KYNU: variants seen among roughly 807,000 people sequenced by gnomAD.
KYNU encodes the protein kynureninase.
A neutral mutation model predicts 59.2 loss-of-function variants in KYNU; 54 were observed. That is an observed-to-expected ratio of 0.91 (90% confidence interval 0.73 to 1.14). The LOEUF (loss-of-function observed/expected upper bound fraction) is 1.14. KYNU is among the 50% of genes most tolerant of loss of function. The pLI is 0.00. For synonymous variants in KYNU, 177 were observed against 192.0 expected, an observed-to-expected ratio of 0.92 and a Z score of 0.65; for missense variants, 567 against 554.4, an observed-to-expected ratio of 1.02 and a Z score of -0.23.
intron 2 of KYNU, among the ~76,000 whole-genome samples, chr2:142,911,598 A>G (rs1230088005): frequency 6.6e-6 from 1 of 152,012 alleles, no homozygotes; most frequent in Non-Finnish European, 1.5e-5. Context: ...ATTGAGTAGG[A>G]GTGGGAGATA....
chr2:142,917,564 A>G (rs1172479335), intron 2 of KYNU, among the ~76,000 whole-genome samples: 1 of 152,216 alleles, frequency 6.6e-6, no homozygotes, highest in East Asian at 1.9e-4. Context: ...TGCCTCCAAA[A>G]GTGCCGGGAT....
chr2:142,953,226 A>G (rs1313859952), intron 4 of KYNU, among the ~76,000 whole-genome samples: 1 of 152,200 alleles, frequency 6.6e-6, no homozygotes, highest in Non-Finnish European at 1.5e-5. Flanking sequence ...ATCCCCCCGT[A>G]CCATTACCCA....
At chr2:142,959,841 T>G (rs1190767742) in intron 7 of KYNU, among the ~76,000 whole-genome samples, 1 of 152,186 alleles carries the variant, frequency 6.6e-6, no homozygotes, top group Non-Finnish European at 1.5e-5. Context: ...TGGAGGAGAT[T>G]TTAATCTTAA....
chr2:142,912,959 AC>A (rs774848274), intron 2 of KYNU, among the ~76,000 whole-genome samples: 2 of 145,386 alleles, frequency 1.4e-5, no homozygotes, highest in Non-Finnish European at 3.0e-5. Context: ...TGATCCATCC[AC>A]CTCAGCTCCC....
chr2:142,998,055 A>T (rs1685596141), intron 10 of KYNU, among the ~76,000 whole-genome samples: 1 of 152,190 alleles, frequency 6.6e-6, no homozygotes, highest in African/African-American at 2.4e-5. Context: ...AACACACAGC[A>T]TATTAATATG....
intron 10 of KYNU, among the ~76,000 whole-genome samples, chr2:142,995,476 TA>T (rs1410455166): frequency 2.0e-4 from 30 of 152,130 alleles, no homozygotes; most frequent in African/African-American, 7.2e-4. Flanking sequence ...AACTACTTTC[TA>T]AAATAGCATT....
chr2:142,980,488 T>C (rs1278606493), intron 8 of KYNU, among the ~76,000 whole-genome samples: 2 of 152,156 alleles, frequency 1.3e-5, no homozygotes, highest in Non-Finnish European at 2.9e-5. Flanking sequence ...GGAGTTGCTC[T>C]GATTCAAACA....
At chr2:142,893,503 C>A (rs1681775453) in intron 2 of KYNU, among the ~76,000 whole-genome samples, 1 of 152,142 alleles carries the variant, frequency 6.6e-6, no homozygotes, top group African/African-American at 2.4e-5. Flanking sequence ...TTCTAGATGT[C>A]ATTGAAGGAG....
chr2:142,966,685 T>G (rs973454360), intron 8 of KYNU, among the ~76,000 whole-genome samples: 1 of 152,132 alleles, frequency 6.6e-6, no homozygotes, highest in Admixed American at 6.6e-5. Flanking sequence ...TTTTAATTCA[T>G]TTACTAATGT....
At chr2:143,019,291 TTATTGGGGTGTATTTCTTC>T (rs1309581618) in intron 10 of KYNU, among the ~76,000 whole-genome samples, 5 of 152,024 alleles carry the variant, frequency 3.3e-5, no homozygotes, top group Non-Finnish European at 7.4e-5. Context: ...GGCCTTTATG[TTATTGGGGTGTATTTCTTC>T]TATAACCAAT....
chr2:142,933,819 C>T (rs1683301518), intron 4 of KYNU, among the ~76,000 whole-genome samples: 1 of 152,046 alleles, frequency 6.6e-6, no homozygotes, highest in African/African-American at 2.4e-5. Context: ...TGGGGGCTGT[C>T]TCTGAAACCT....
chr2:142,960,564 A>G lies in KYNU; in HGVS notation c.583-60A>G, dbSNP rs1684307707. On this transcript the variant is annotated intron_variant, in intron 7 of 13. Transcript: ENST00000264170. ...GCTCACGGTGAAATTTAGATCGGCA[A>G]TATGAAATTACAAATTTATTATTAT... 4 of 1,498,728 alleles carry G rather than the reference A, an allele frequency of 2.7e-6. No homozygotes were observed. In the East Asian group the frequency reaches 6.8e-5, roughly 26 times the overall value. The allele number at this position is 1,498,728 out of a possible 1,614,324, so 92.8% of individuals were successfully genotyped here.
At chr2:143,029,236 A>G (rs183257686) in intron 10 of KYNU, among the ~76,000 whole-genome samples, 23 of 152,284 alleles carry the variant, frequency 1.5e-4, no homozygotes, top group African/African-American at 5.3e-4. Flanking sequence ...TATATTACAA[A>G]TGGCTTTATA....
At chr2:142,995,587 G>A (rs1685516459) in intron 10 of KYNU, among the ~76,000 whole-genome samples, 2 of 152,194 alleles carry the variant, frequency 1.3e-5, no homozygotes, top group East Asian at 1.9e-4. Context: ...GAGTATGTTA[G>A]CAATATTGTA....
Position 143,043,034 on chromosome 2 carries a change from A to G in KYNU, c.*862A>G, listed in dbSNP as rs1277582349. The G allele has an allele frequency of 6.6e-6, 1 of 151,876 alleles. No individual in the cohort carries two copies. Among genetic ancestry groups the G allele is most frequent in the Non-Finnish European group, 1.5e-5 (1 of 67,898 alleles). The allele number at this position is 151,876 out of a possible 1,614,324, so 9.4% of individuals were successfully genotyped here. ...TTTTATCTCATAAGAAATGTTGGAA[A>G]CTCATTATATTGATTTCCTTACCCA... On this transcript the variant is annotated 3_prime_UTR_variant, in exon 14 of 14. Transcript: ENST00000264170.
chr2:142,972,251 A>G (rs772437601), intron 8 of KYNU, among the ~76,000 whole-genome samples: 5 of 152,150 alleles, frequency 3.3e-5, no homozygotes, highest in African/African-American at 9.7e-5. Context: ...AAATTATACA[A>G]TGGTTTAGGG....
intron 10 of KYNU, among the ~76,000 whole-genome samples, chr2:143,003,850 A>G (rs924121549): frequency 4.6e-5 from 7 of 152,292 alleles, no homozygotes; most frequent in Admixed American, 1.3e-4. Flanking sequence ...TCAGGTGTCT[A>G]AAACTACCTA....
intron 10 of KYNU, chr2:142,989,385 G>C: frequency 1.0e-6 from 1 of 992,628 alleles, no homozygotes; most frequent in African/African-American, 1.7e-5. Flanking sequence ...AAAGTGTCCA[G>C]TATGTAGCCG....
At chr2:143,005,025 T>C (rs1435871325) in intron 10 of KYNU, among the ~76,000 whole-genome samples, 1 of 152,238 alleles carries the variant, frequency 6.6e-6, no homozygotes, top group African/African-American at 2.4e-5. Flanking sequence ...TATCTTGCCC[T>C]AGCTTAAGCT....
Sources: gnomAD v4.1 joint callset for allele counts (sites outside exome capture counted in the v4.1 genomes callset) on GRCh38, gnomAD v4.1.1 for gene constraint, MANE v1.5 for transcripts, NCBI Gene and HGNC (gene_info 2026-07-23, HGNC 2026-07-21) for gene names.